Variants in BMP3 observed in about 807,000 individuals in gnomAD.
BMP3 encodes the protein bone morphogenetic protein 3 (osteogenic).
BMP3 carries 23 observed loss-of-function variants against 38.1 expected under a neutral mutation model. The ratio of observed to expected loss-of-function variants is 0.60; its 90% CI spans 0.43 to 0.86. The LOEUF is 0.86. Ranked by LOEUF, BMP3 falls within the 40% of genes least tolerant of loss-of-function variation. BMP3 has a pLI of 0.00. For missense variants in BMP3, 628 were observed against 579.6 expected (o/e 1.08, Z -0.86); for synonymous variants, 258 against 225.7 (o/e 1.14, Z -1.28).
At chr4:81,040,410 C>T (rs991122484) in intron 1 of BMP3, among the ~76,000 whole-genome samples, 1 of 152,116 alleles carries the variant, frequency 6.6e-6, no homozygotes, top group Non-Finnish European at 1.5e-5. Context: ...TCCAGTTGCC[C>T]CAGTCCCACA....
In BMP3 at chr4:81,031,169, G is replaced by A; in HGVS notation, c.-116G>A. On this transcript the variant is annotated 5_prime_UTR_variant, in exon 1 of 3. Coordinates refer to ENST00000282701, the MANE Select transcript of BMP3 (RefSeq NM_001201.5). Reference sequence around the variant, plus strand: ...CACCCGGCCGCGTCCCGGGCTCCGTGCGCCCTCGCCCCAGCTGGTTTGGAG... The same window carrying A: ...CACCCGGCCGCGTCCCGGGCTCCGTACGCCCTCGCCCCAGCTGGTTTGGAG... 1 of 1,151,140 alleles carries A rather than the reference G, an allele frequency of 8.7e-7. No individual in the cohort carries two copies. Among genetic ancestry groups the A allele is most frequent in the Non-Finnish European group, 1.2e-6 (1 of 839,976 alleles). The allele number at this position is 1,151,140 out of a possible 1,614,324, so 71.3% of individuals were successfully genotyped here.
chr4:81,031,537 C>A lies in BMP3; in HGVS notation c.253C>A (p.Pro85Thr), dbSNP rs752158269. 53 of 1,610,772 alleles carry A rather than the reference C, an allele frequency of 3.3e-5. No individual in the cohort carries two copies. Among genetic ancestry groups the A allele is most frequent in the South Asian group, 5.5e-5 (5 of 90,476 alleles). ...TPGSLEGGSQ[P>T]WRPRLLREGN... is the part of the protein sequence containing the mutation. Reference sequence around the variant, plus strand: ...GGGCTCCCTGGAGGGAGGCTCGCAGCCCTGGCGCCCTCGGCTCCTGCGCGA... The same window carrying A: ...GGGCTCCCTGGAGGGAGGCTCGCAGACCTGGCGCCCTCGGCTCCTGCGCGA... Residue 85 changes from proline (P) to threonine (T), a missense_variant, in exon 1 of 3, where the codon CCC (proline) becomes ACC (threonine). Pro to Thr is a conservative substitution (Grantham distance 38). Transcript: ENST00000282701.
chr4:81,035,038 G>C (rs1285705541), intron 1 of BMP3, among the ~76,000 whole-genome samples: 1 of 152,066 alleles, frequency 6.6e-6, no homozygotes, highest in Non-Finnish European at 1.5e-5. Context: ...AAAGTACTTG[G>C]ATAATCTGAT....
rs1277782437 is a variant in BMP3, at chr4:81,031,291, G to C, written c.7G>C (p.Gly3Arg). 1.2e-6 allele frequency: 2 copies of C among 1,601,628 alleles called. No individual in the cohort carries two copies. The highest frequency in any genetic ancestry group is 2.7e-5 in the African/African-American group (2 of 74,734). Residue 3 changes from glycine to arginine, a missense_variant, in exon 1 of 3, where the codon GGG becomes CGG. Coordinates refer to ENST00000282701, the MANE Select transcript of BMP3 (RefSeq NM_001201.5). Reference protein sequence around the residue: MAGASRLLFLWLG... With the variant: MARASRLLFLWLG... ...GCCGCGCGGGTACCTAGCCATGGCT[G>C]GGGCGAGCAGGCTGCTCTTTCTGTG... is the stretch of plus-strand genomic sequence containing the variant.
In BMP3 at chr4:81,033,201, T is replaced by A. The variant is rs536598843; in HGVS notation, c.316+1601T>A. On this transcript the variant is annotated intron_variant, in intron 1 of 2. Transcript: ENST00000282701. Reference sequence around the variant, plus strand: ...GGCCCCTAAGATAAAAAACAATATGTTTGGGATTAACAAGTTTCATTTATA... The same window carrying A: ...GGCCCCTAAGATAAAAAACAATATGATTGGGATTAACAAGTTTCATTTATA... 8.5e-5 allele frequency among the ~76,000 whole-genome samples: 13 copies of A among 152,362 alleles called. No individual in the cohort carries two copies. The East Asian group carries it at 9.6e-4, about 11-fold the overall frequency.
rs2109898449 is a variant in BMP3, at chr4:81,030,932, C to T, written c.-353C>T. Reference sequence around the variant, plus strand: ...CGCGCGGCCAGTTTGGCCGGGTGTTCCCAAAAATAAAGCGAGGAGGGAAGG... The same window carrying T: ...CGCGCGGCCAGTTTGGCCGGGTGTTTCCAAAAATAAAGCGAGGAGGGAAGG... On this transcript the variant is annotated 5_prime_UTR_variant, in exon 1 of 3. Coordinates refer to ENST00000282701, the MANE Select transcript of BMP3 (RefSeq NM_001201.5). 4.4e-6 allele frequency: 1 copy of T among 225,290 alleles called. No individual in the cohort carries two copies. The highest frequency in any genetic ancestry group is 8.6e-6 in the Non-Finnish European group (1 of 115,680). 14.0% of individuals were successfully genotyped at this position (225,290 alleles called of 1,614,324 possible). A position where few individuals can be genotyped will look rare whatever the true frequency, so the allele number is the denominator to read the frequency against.
Position 81,046,175 on chromosome 4 carries a change from C to T in BMP3, c.754C>T (p.Pro252Ser). Residue 252 changes from proline (P) to serine (S), a missense_variant, in exon 2 of 3, where the codon CCA becomes TCA. Coordinates refer to ENST00000282701, the MANE Select transcript of BMP3 (RefSeq NM_001201.5). ...TGCCAATGATGCCGCCATTTCTGAG[C>T]CAGAAAGTGTGGTATCAAGCTTACA... ...VYANDAAISE[P>S]ESVVSSLQGH... 6.2e-7 allele frequency: 1 copy of T among 1,614,046 alleles called. No individual in the cohort carries two copies. Among genetic ancestry groups the T allele is most frequent in the Non-Finnish European group, 8.5e-7 (1 of 1,180,010 alleles).
rs753137344 is a variant in BMP3, at chr4:81,045,825, G to A, written c.404G>A (p.Cys135Tyr). The change falls in exon 2 of 3, where the codon TGT becomes TAT. Residue 135 changes from cysteine to tyrosine, a missense_variant. By Grantham distance (194) the Cys-to-Tyr change is radical. Transcript: ENST00000282701. ...ENILSATLYF[C>Y]IGELGNISLS... Reference sequence around the variant, plus strand: ...ATTTTGTCTGCCACACTGTATTTCTGTATTGGAGAGCTAGGAAACATCAGC... The same window carrying A: ...ATTTTGTCTGCCACACTGTATTTCTATATTGGAGAGCTAGGAAACATCAGC... 3 of 1,614,074 alleles carry A rather than the reference G, an allele frequency of 1.9e-6. No individual in the cohort carries two copies. The highest frequency in any genetic ancestry group is 4.5e-5 in the East Asian group (2 of 44,884).
intron 1 of BMP3, among the ~76,000 whole-genome samples, chr4:81,035,608 G>A (rs1267268144): frequency 6.6e-6 from 1 of 152,036 alleles, no homozygotes; most frequent in Non-Finnish European, 1.5e-5. Context: ...TTTAATGGAA[G>A]CAGAAGCAAG....
chr4:81,045,713 T>A (rs771150769), intron 1 of BMP3, 25 bp from the exon 2 acceptor site: 2 of 1,525,632 alleles, frequency 1.3e-6, no homozygotes, highest in Non-Finnish European at 1.8e-6. Context: ...TTCTCCTGTT[T>A]ACTCTCTTTC....
At chr4:81,032,717 A>G (rs1739813286) in intron 1 of BMP3, among the ~76,000 whole-genome samples, 1 of 152,268 alleles carries the variant, frequency 6.6e-6, no homozygotes, top group African/African-American at 2.4e-5. Flanking sequence ...TCCTGGAAAA[A>G]GGGAAAACTA....
At position 81,056,309 on chromosome 4, in the gene BMP3, A is replaced by G. The variant is rs1740562298; in HGVS notation, c.*2773A>G. ...CCATGCAGTGTGCACACACACACAC[A>G]CACAGTCAGTTACTGAAAAAAATAA... On this transcript the variant is annotated 3_prime_UTR_variant, in exon 3 of 3. Transcript: ENST00000282701. 1 of 151,744 alleles carries G rather than the reference A, an allele frequency of 6.6e-6. No homozygotes were observed. Among genetic ancestry groups the G allele is most frequent in the African/African-American group, 2.4e-5 (1 of 41,312 alleles). The allele number at this position is 151,744 out of a possible 1,614,324, so 9.4% of individuals were successfully genotyped here.
intron 1 of BMP3, among the ~76,000 whole-genome samples, chr4:81,045,058 CA>C (rs1390762600): frequency 6.6e-6 from 1 of 152,138 alleles, no homozygotes; most frequent in Non-Finnish European, 1.5e-5. Flanking sequence ...GCAGGTGAAC[CA>C]TTTTGCATTC....
chr4:81,041,334 T>C (rs1653077428), intron 1 of BMP3, among the ~76,000 whole-genome samples: 1 of 152,210 alleles, frequency 6.6e-6, no homozygotes, highest in Non-Finnish European at 1.5e-5. Context: ...GAGAAGATCA[T>C]TAACTTACAC....
At position 81,045,838 on chromosome 4, in the gene BMP3, A is replaced by G. The variant is rs1389335535; in HGVS notation, c.417A>G (p.Leu139=). 1 of 1,614,126 alleles carries G rather than the reference A, an allele frequency of 6.2e-7. No individual in the cohort carries two copies. ...CACTGTATTTCTGTATTGGAGAGCT[A>G]GGAAACATCAGCCTGAGTTGTCCAG... The part of the protein sequence containing the change: ...SATLYFCIGE[L]GNISLSCPVS... The change falls in exon 2 of 3, where the codon CTA becomes CTG. Residue 139 remains leucine, a synonymous_variant. Coordinates refer to ENST00000282701, the MANE Select transcript of BMP3 (RefSeq NM_001201.5).
At chr4:81,031,734 T>C in intron 1 of BMP3, 134 bp downstream of exon 1, 1 of 1,101,982 alleles carries the variant, frequency 9.1e-7, no homozygotes, top group Non-Finnish European at 1.3e-6. Flanking sequence ...TCAGCTGCCC[T>C]CTGGATTCCT....
At chr4:81,032,160 A>G (rs1739790528) in intron 1 of BMP3, among the ~76,000 whole-genome samples, 1 of 123,794 alleles carries the variant, frequency 8.1e-6, no homozygotes, top group African/African-American at 2.9e-5. Context: ...TTACTGTACT[A>G]TATTTGACAC....
intron 1 of BMP3, among the ~76,000 whole-genome samples, chr4:81,043,054 T>C (rs1283018829): frequency 6.6e-6 from 1 of 152,226 alleles, no homozygotes; most frequent in Non-Finnish European, 1.5e-5. Flanking sequence ...TGCACTTCCC[T>C]TGTGCTTGGG....
At chr4:81,047,478 C>G (rs1740282880) in intron 2 of BMP3, among the ~76,000 whole-genome samples, 1 of 151,352 alleles carries the variant, frequency 6.6e-6, no homozygotes, top group Non-Finnish European at 1.5e-5. Flanking sequence ...TAGTGGCACT[C>G]TTCAGCCTTC....
Sources: allele counts gnomAD v4.1 joint callset (sites outside exome capture counted in the v4.1 genomes callset), GRCh38; gene constraint gnomAD v4.1.1; transcripts MANE v1.5; gene names NCBI Gene and HGNC (gene_info 2026-07-23, HGNC 2026-07-21).